The following SH3PXD2A variants were observed in gnomAD, a reference collection of about 807,000 sequenced individuals.
SH3PXD2A encodes SH3 and PX domains 2A.
SH3PXD2A carries 32 observed loss-of-function variants against 115.2 expected under a neutral mutation model. The observed-to-expected ratio is 0.28, with a 90% confidence interval of 0.21 to 0.37. The LOEUF (loss-of-function observed/expected upper bound fraction) is 0.37. Ranked by LOEUF, SH3PXD2A falls within the 10% of genes least tolerant of loss-of-function variation. The pLI, the probability that SH3PXD2A is intolerant of heterozygous loss-of-function variation, is 1.00. For missense variants in SH3PXD2A, 1,328 were observed against 1,498.7 expected (o/e 0.89, Z 1.88); for synonymous variants, 610 against 629.1 (o/e 0.97, Z 0.45).
intron 11 of SH3PXD2A, among the ~76,000 whole-genome samples, chr10:103,616,426 G>A (rs1490887913): frequency 1.3e-5 from 2 of 152,234 alleles, no homozygotes; most frequent in Non-Finnish European, 1.5e-5. Flanking sequence ...GTCTCCTGGA[G>A]CATTTCTTGA....
rs1297666361 is a variant in SH3PXD2A, at chr10:103,617,178, T to C, written c.920+19A>G. ...AGGTGGGCGAGAGGCATCTCGTTCA[T>C]AATGTAAGGGTTCCCTACCTGATAT... On this transcript the variant is annotated intron_variant, in intron 11 of 14. Coordinates refer to ENST00000369774, the MANE Select transcript of SH3PXD2A (RefSeq NM_001394015.1). 1 of 1,560,364 alleles carries C rather than the reference T, an allele frequency of 6.4e-7. No homozygotes were observed. Among genetic ancestry groups the C allele is most frequent in the East Asian group, 2.2e-5 (1 of 44,686 alleles).
intron 1 of SH3PXD2A, among the ~76,000 whole-genome samples, chr10:103,823,400 A>C (rs564631455): frequency 6.6e-6 from 1 of 152,312 alleles, no homozygotes; most frequent in South Asian, 2.1e-4. Context: ...ACTGGCTTTA[A>C]CCACTGCCCT....
chr10:103,726,693 C>T (rs2038245569), intron 4 of SH3PXD2A, among the ~76,000 whole-genome samples: 1 of 152,156 alleles, frequency 6.6e-6, no homozygotes. Flanking sequence ...TCTTAGGTTG[C>T]ATCTATAGAA....
chr10:103,652,000 T>A (rs1339663889), intron 8 of SH3PXD2A, among the ~76,000 whole-genome samples: 1 of 152,210 alleles, frequency 6.6e-6, no homozygotes, highest in African/African-American at 2.4e-5. Context: ...CACAGTTCAC[T>A]TGCTTTATGG....
rs2037386553 is a variant in SH3PXD2A, at chr10:103,666,603, A to C, written c.472+2005T>G. On this transcript the variant is annotated intron_variant, in intron 7 of 14. Transcript: ENST00000369774. This position sits in a 1 kb window ranked among gnomAD's most constrained non-coding sequence, Gnocchi z 4.5. ...ATTAGAGTCCAAAGGTCTGAGGTCC[A>C]GTCCTGCTTTGCCCTTACTAGCTCT... 6.6e-6 allele frequency among the ~76,000 whole-genome samples: 1 copy of C among 152,260 alleles called. No homozygotes were observed. The highest frequency in any genetic ancestry group is 1.5e-5 in the Non-Finnish European group (1 of 68,040).
At chr10:103,638,969 T>C (rs1219547829) in intron 8 of SH3PXD2A, among the ~76,000 whole-genome samples, 1 of 152,130 alleles carries the variant, frequency 6.6e-6, no homozygotes, top group Non-Finnish European at 1.5e-5. Context: ...TCTGATTCTG[T>C]GCCTGGCACG....
At chr10:103,649,442 A>G (rs2037086524) in intron 8 of SH3PXD2A, among the ~76,000 whole-genome samples, 1 of 152,206 alleles carries the variant, frequency 6.6e-6, no homozygotes, top group Admixed American at 6.5e-5. Flanking sequence ...TGCTCTGCCC[A>G]TTAACATGAC....
intron 8 of SH3PXD2A, among the ~76,000 whole-genome samples, chr10:103,638,310 C>T (rs547858817): frequency 5.9e-5 from 9 of 152,234 alleles, no homozygotes; most frequent in Non-Finnish European, 1.2e-4. Flanking sequence ...TCCGTGGAGT[C>T]CGTGTCAAGA....
intron 8 of SH3PXD2A, among the ~76,000 whole-genome samples, chr10:103,635,368 G>C (rs1414076682): frequency 2.0e-5 from 3 of 152,210 alleles, no homozygotes; most frequent in Non-Finnish European, 4.4e-5. Flanking sequence ...GCCTGGGCTG[G>C]CTAGGAGACC....
chr10:103,770,027 G>A (rs900118326), intron 2 of SH3PXD2A, among the ~76,000 whole-genome samples: 1 of 152,156 alleles, frequency 6.6e-6, no homozygotes, highest in Non-Finnish European at 1.5e-5. Flanking sequence ...AAAACTAGAA[G>A]TTATAGCAGT....
In SH3PXD2A at chr10:103,613,125, G is replaced by A; in HGVS notation, c.986C>T (p.Thr329Ile). The change falls in exon 12 of 15, where the codon ACC becomes ATC. Residue 329 changes from threonine (T) to isoleucine (I), a missense_variant. Physicochemically the swap from Thr to Ile is moderately conservative, Grantham distance 89. Coordinates refer to ENST00000369774, the MANE Select transcript of SH3PXD2A (RefSeq NM_001394015.1). ...TGGGCCGGCCAGGTTCTTCTTCCGG[G>A]TTGGCAGGTCATCCTTGGCCTTCTT... is the stretch of plus-strand genomic sequence containing the variant. ...YLKKAKDDLP[T>I]RKKNLAGPVE... The A allele has an allele frequency of 1.2e-6, 2 of 1,613,850 alleles. No individual in the cohort carries two copies.
At chr10:103,667,011 G>A (rs1427735785) in intron 7 of SH3PXD2A, among the ~76,000 whole-genome samples, 2 of 152,106 alleles carry the variant, frequency 1.3e-5, no homozygotes. Flanking sequence ...GCCTACTCTG[G>A]GGGGATGCCA....
intron 8 of SH3PXD2A, among the ~76,000 whole-genome samples, chr10:103,639,624 A>AG (rs2036921121): frequency 1.1e-5 from 1 of 90,268 alleles, no homozygotes; most frequent in Non-Finnish European, 2.4e-5. Flanking sequence ...AAAAAAAAAA[A>AG]AAGAAAAAGA....
chr10:103,605,128 G>A (rs2036281092), intron 14 of SH3PXD2A, among the ~76,000 whole-genome samples: 1 of 152,224 alleles, frequency 6.6e-6, no homozygotes, highest in African/African-American at 2.4e-5. Context: ...GGGTGGAGGG[G>A]CGTCCCAGGA....
chr10:103,813,382 T>C (rs991357931), intron 1 of SH3PXD2A, among the ~76,000 whole-genome samples: 1 of 152,260 alleles, frequency 6.6e-6, no homozygotes, highest in African/African-American at 2.4e-5. Flanking sequence ...AGTGGCACAA[T>C]CATAGCTCAA....
chr10:103,652,716 G>C (rs554727531), intron 8 of SH3PXD2A, among the ~76,000 whole-genome samples: 10 of 152,282 alleles, frequency 6.6e-5, no homozygotes, highest in Non-Finnish European at 1.2e-4. Flanking sequence ...GCCGGGGAGG[G>C]GGGTGAGAGA....
intron 13 of SH3PXD2A, chr10:103,610,106 A>G (rs1174369180): frequency 1.3e-5 from 2 of 152,324 alleles, no homozygotes; most frequent in Non-Finnish European, 2.9e-5. Flanking sequence ...AAGGCTCTGC[A>G]TGTCCTAACC....
intron 8 of SH3PXD2A, among the ~76,000 whole-genome samples, chr10:103,631,326 T>A (rs1016313402): frequency 1.3e-5 from 2 of 152,048 alleles, no homozygotes; most frequent in African/African-American, 4.8e-5. Context: ...GCACAGGAGA[T>A]TAACAATAAT....
chr10:103,632,727 A>G (rs2036799013), intron 8 of SH3PXD2A, among the ~76,000 whole-genome samples: 1 of 152,080 alleles, frequency 6.6e-6, no homozygotes, highest in Non-Finnish European at 1.5e-5. Context: ...TGTAATCCCA[A>G]CACTTTGGGA....
Sources: allele counts gnomAD v4.1 joint callset (sites outside exome capture counted in the v4.1 genomes callset), GRCh38; gene constraint gnomAD v4.1.1; non-coding constraint Gnocchi (gnomAD v3.1); transcripts MANE v1.5; gene names NCBI Gene and HGNC (gene_info 2026-07-23, HGNC 2026-07-21).